The following SLC24A2 variants were observed in gnomAD, a reference collection of about 807,000 sequenced individuals.
The protein encoded by SLC24A2 is solute carrier family 24 member 2.
A neutral mutation model predicts 62.0 loss-of-function variants in SLC24A2; 36 were observed. The observed-to-expected ratio is 0.58, with a 90% CI of 0.44 to 0.77. SLC24A2 has a LOEUF of 0.77. Ranked by LOEUF, SLC24A2 falls within the 30% of genes least tolerant of loss-of-function variation. The probability of loss-of-function intolerance (pLI) is 0.00; values close to 1 mark genes in which losing one functional copy is unlikely to be tolerated. For missense variants in SLC24A2, 846 were observed against 817.9 expected, an observed-to-expected ratio of 1.03 and a Z score of -0.42; for synonymous variants, 358 against 294.0, an observed-to-expected ratio of 1.22 and a Z score of -2.23.
the SLC24A2 span, among the ~76,000 whole-genome samples, chr9:20,148,036 G>C: frequency 1.3e-5 from 2 of 151,984 alleles, no homozygotes; most frequent in African/African-American, 2.4e-5. Flanking sequence ...CTGTGTTCTA[G>C]AGTCAGATGG....
the SLC24A2 span, among the ~76,000 whole-genome samples, chr9:20,080,032 G>C: frequency 6.6e-6 from 1 of 152,156 alleles, no homozygotes; most frequent in East Asian, 1.9e-4. Context: ...AATCAATATT[G>C]TGAAAATGGC....
At chr9:19,630,849 A>C (rs1378992192) in intron 2 of SLC24A2, among the ~76,000 whole-genome samples, 2 of 152,200 alleles carry the variant, frequency 1.3e-5, no homozygotes, top group Admixed American at 1.3e-4. Context: ...TTGAAAATGC[A>C]CTGATAATGA....
intron 7 of SLC24A2, among the ~76,000 whole-genome samples, chr9:19,559,282 G>T (rs571480155): frequency 6.6e-6 from 1 of 152,172 alleles, no homozygotes; most frequent in Non-Finnish European, 1.5e-5. Flanking sequence ...CAAAAATTTT[G>T]TACCTCCATC....
chr9:19,636,976 G>A (rs1156798790), intron 2 of SLC24A2, among the ~76,000 whole-genome samples: 1 of 152,110 alleles, frequency 6.6e-6, no homozygotes, highest in Non-Finnish European at 1.5e-5. Flanking sequence ...ATAATTATTT[G>A]GAATGTTATT....
chr9:20,152,341 C>T, the SLC24A2 span, among the ~76,000 whole-genome samples: 2 of 151,830 alleles, frequency 1.3e-5, no homozygotes, highest in South Asian at 2.1e-4. Flanking sequence ...GATAATCCCA[C>T]GTATTTTGCA....
chr9:19,775,109 T>C (rs1455633150), intron 2 of SLC24A2, among the ~76,000 whole-genome samples: 1 of 152,220 alleles, frequency 6.6e-6, no homozygotes, highest in East Asian at 1.9e-4. Context: ...GACTGCACCC[T>C]TTAAAACTGT....
chr9:20,077,193 T>C, the SLC24A2 span, among the ~76,000 whole-genome samples: 2 of 151,892 alleles, frequency 1.3e-5, no homozygotes, highest in African/African-American at 4.8e-5. Flanking sequence ...GTAGCAGATA[T>C]GTAGGGTGAA....
At chr9:20,128,903 T>C in the SLC24A2 span, among the ~76,000 whole-genome samples, 2 of 152,106 alleles carry the variant, frequency 1.3e-5, no homozygotes, top group Admixed American at 1.3e-4. Flanking sequence ...GTACATATGA[T>C]GCCAAGAGCA....
At chr9:19,680,553 T>C (rs549065579) in intron 2 of SLC24A2, among the ~76,000 whole-genome samples, 148 of 152,026 alleles carry the variant, frequency 9.7e-4, no homozygotes, top group African/African-American at 3.3e-3. Flanking sequence ...TTAACAATAA[T>C]GCTTTAACGC....
the SLC24A2 span, among the ~76,000 whole-genome samples, chr9:19,801,323 C>A: frequency 1.2e-3 from 184 of 152,286 alleles, no homozygotes; most frequent in African/African-American, 4.0e-3. Context: ...AAGCCTTTAG[C>A]CTGACTGGGA....
intron 2 of SLC24A2, among the ~76,000 whole-genome samples, chr9:19,707,468 C>T (rs949641222): frequency 6.6e-6 from 1 of 152,186 alleles, no homozygotes; most frequent in African/African-American, 2.4e-5. Context: ...GAATTTTAGA[C>T]CAGTATCCTT....
chr9:20,305,321 T>A, the SLC24A2 span, among the ~76,000 whole-genome samples: 17 of 152,090 alleles, frequency 1.1e-4, no homozygotes, highest in Non-Finnish European at 1.9e-4. Flanking sequence ...TTGGTCAGGA[T>A]GGTCTCGATC....
chr9:19,714,208 G>A (rs1246567778), intron 2 of SLC24A2, among the ~76,000 whole-genome samples: 2 of 152,024 alleles, frequency 1.3e-5, no homozygotes, highest in African/African-American at 4.8e-5. Flanking sequence ...GTGACCTATG[G>A]CCACCCTTTT....
At chr9:19,961,385 A>G in the SLC24A2 span, among the ~76,000 whole-genome samples, 1 of 152,214 alleles carries the variant, frequency 6.6e-6, no homozygotes, top group Non-Finnish European at 1.5e-5. Context: ...CAGTATTTCC[A>G]CAAAACCCAA....
chr9:19,586,526 G>C (rs1023557800), intron 5 of SLC24A2, among the ~76,000 whole-genome samples: 5 of 138,312 alleles, frequency 3.6e-5, no homozygotes, highest in African/African-American at 1.5e-4. Flanking sequence ...GATTAATGCT[G>C]TGGTTAAGTT....
chr9:19,953,457 G>A, the SLC24A2 span, among the ~76,000 whole-genome samples: 28 of 152,026 alleles, frequency 1.8e-4, no homozygotes, highest in African/African-American at 5.3e-4. Flanking sequence ...CCTCTCAAAC[G>A]TTTCCATAAA....
chr9:19,800,549 G>C, the SLC24A2 span, among the ~76,000 whole-genome samples: 2 of 152,108 alleles, frequency 1.3e-5, no homozygotes, highest in African/African-American at 4.8e-5. Flanking sequence ...ATTGTGTATG[G>C]AATTTCCTTC....
At chr9:19,876,081 C>CA in the SLC24A2 span, among the ~76,000 whole-genome samples, 1 of 152,086 alleles carries the variant, frequency 6.6e-6, no homozygotes, top group Non-Finnish European at 1.5e-5. Flanking sequence ...TTGTTAGGGC[C>CA]AACAGATTTG....
rs2132612345 is a variant in SLC24A2, at chr9:19,513,272, A to AGG, written c.*2880_*2881insCC. ...CTGTTTTGGAAACCACGGTGTGGAA[A>AGG]GTTCTTATAATTATGCCAATGATTT... On this transcript the variant is annotated 3_prime_UTR_variant, in exon 11 of 11. Transcript: ENST00000341998. 6.6e-6 allele frequency: 1 copy of AGG among 151,056 alleles called. No individual in the cohort carries two copies. Among genetic ancestry groups the AGG allele is most frequent in the South Asian group, 2.1e-4 (1 of 4,774 alleles). 9.4% of individuals were successfully genotyped at this position (151,056 alleles called of 1,614,324 possible). A position where few individuals can be genotyped will look rare whatever the true frequency, so the allele number is the denominator to read the frequency against.
Sources: gnomAD v4.1 joint callset for allele counts (sites outside exome capture counted in the v4.1 genomes callset) on GRCh38, gnomAD v4.1.1 for gene constraint, MANE v1.5 for transcripts, NCBI Gene and HGNC (gene_info 2026-07-23, HGNC 2026-07-21) for gene names.